CXXC4: variants seen among roughly 807,000 people sequenced by gnomAD.
The protein encoded by CXXC4 is CXXC-type zinc finger protein 4.
In CXXC4, 5 loss-of-function variants were observed where a neutral mutation model predicts 20.5. That is an observed-to-expected ratio of 0.24 (90% CI 0.13 to 0.51). The LOEUF (loss-of-function observed/expected upper bound fraction) is 0.51, where lower values mean the gene tolerates loss of function less well. Ranked by LOEUF, CXXC4 falls within the 20% of genes least tolerant of loss-of-function variation. The pLI is 0.97. For missense variants in CXXC4, 419 were observed against 496.4 expected, an observed-to-expected ratio of 0.84 and a Z score of 1.48; for synonymous variants, 250 against 216.4, an observed-to-expected ratio of 1.16 and a Z score of -1.36.
Position 104,469,325 on chromosome 4 carries a change from C to T in CXXC4, c.*2997G>A, listed in dbSNP as rs1356817659. The T allele has an allele frequency of 6.6e-6, 1 of 151,976 alleles. No homozygotes were observed. Among genetic ancestry groups the T allele is most frequent in the Non-Finnish European group, 1.5e-5 (1 of 67,982 alleles). 9.4% of individuals were successfully genotyped at this position (151,976 alleles called of 1,614,324 possible). A position where few individuals can be genotyped will look rare whatever the true frequency, so the allele number is the denominator to read the frequency against. On this transcript the variant is annotated 3_prime_UTR_variant, in exon 3 of 3. Coordinates refer to ENST00000394767, the MANE Select transcript of CXXC4 (RefSeq NM_025212.4). ...GCCTCAAGTATTTACCATGATCTCC[C>T]CAAATGCTGGCAGATTATGGCATCT...
At chr4:104,484,629 C>T (rs556837552) in intron 2 of CXXC4, among the ~76,000 whole-genome samples, 43 of 152,076 alleles carry the variant, frequency 2.8e-4, no homozygotes, top group African/African-American at 8.9e-4. Context: ...TGGATTCTTA[C>T]GCTCTTAAAA....
At chr4:104,486,909 T>C (rs760215867) in intron 2 of CXXC4, among the ~76,000 whole-genome samples, 27 of 152,306 alleles carry the variant, frequency 1.8e-4, no homozygotes, top group Non-Finnish European at 2.5e-4. Context: ...TTGCCATTTA[T>C]GGTTGGGGCT....
At position 104,478,555 on chromosome 4, in the gene CXXC4, C is replaced by T. The variant is rs79132597; in HGVS notation, c.1060-6189G>A. Reference sequence around the variant, plus strand: ...AAGCAAGTCTCTTGATAATGCTATGCGTATATAATTATATTTCAGTTAAAT... The same window carrying T: ...AAGCAAGTCTCTTGATAATGCTATGTGTATATAATTATATTTCAGTTAAAT... On this transcript the variant is annotated intron_variant, in intron 2 of 2. Transcript: ENST00000394767. 0.013 allele frequency among the ~76,000 whole-genome samples: 1,949 copies of T among 152,050 alleles called. 61 individuals are homozygous for T. The East Asian group carries it at 0.13, about 10-fold the overall frequency.
intron 2 of CXXC4, among the ~76,000 whole-genome samples, chr4:104,479,869 C>A (rs1360408354): frequency 6.8e-6 from 1 of 147,932 alleles, no homozygotes; most frequent in South Asian, 2.3e-4. Flanking sequence ...TGCCATCATA[C>A]GGAATGCTCA....
intron 1 of CXXC4, among the ~76,000 whole-genome samples, chr4:104,494,148 G>T (rs1224034947): frequency 6.6e-6 from 1 of 152,140 alleles, no homozygotes; most frequent in Non-Finnish European, 1.5e-5. Context: ...CATGAAAAAG[G>T]TATCTAAGCC....
intron 2 of CXXC4, among the ~76,000 whole-genome samples, chr4:104,477,075 T>A (rs1736428604): frequency 1.3e-5 from 2 of 152,192 alleles, no homozygotes; most frequent in South Asian, 4.1e-4. Flanking sequence ...TTCAAGTCTA[T>A]CATTTCACAC....
intron 2 of CXXC4, among the ~76,000 whole-genome samples, chr4:104,478,603 C>T (rs1402726662): frequency 6.6e-6 from 1 of 152,100 alleles, no homozygotes; most frequent in Non-Finnish European, 1.5e-5. Context: ...CTTCAAACCA[C>T]ACCATTCTAA....
At chr4:104,489,863 T>C (rs1345623197) in intron 2 of CXXC4, among the ~76,000 whole-genome samples, 1 of 152,216 alleles carries the variant, frequency 6.6e-6, no homozygotes, top group Admixed American at 6.5e-5. Flanking sequence ...AAGAAACTAT[T>C]ATTGACCATA....
intron 2 of CXXC4, among the ~76,000 whole-genome samples, chr4:104,488,088 T>G (rs752293660): frequency 2.6e-5 from 4 of 152,206 alleles, no homozygotes; most frequent in African/African-American, 7.2e-5. Context: ...ATGTTATTAT[T>G]ATGATCCAGA....
chr4:104,485,961 C>T (rs1013948047), intron 2 of CXXC4, among the ~76,000 whole-genome samples: 1 of 152,012 alleles, frequency 6.6e-6, no homozygotes, highest in Non-Finnish European at 1.5e-5. Context: ...ACTTTTATTT[C>T]TTTCATCACT....
chr4:104,488,920 G>C (rs1578322046), intron 2 of CXXC4, among the ~76,000 whole-genome samples: 3 of 152,118 alleles, frequency 2.0e-5, no homozygotes, highest in African/African-American at 7.2e-5. Flanking sequence ...AGGCCTAACA[G>C]CAGAACCAAA....
intron 1 of CXXC4, 181 bp downstream of exon 1, chr4:104,494,520 T>C (rs1361429919): frequency 6.6e-6 from 1 of 152,090 alleles, no homozygotes; most frequent in Non-Finnish European, 1.5e-5. Flanking sequence ...CTCTTTTTAT[T>C]TGGGGAGCCT....
At chr4:104,478,601 C>T (rs1414108019) in intron 2 of CXXC4, among the ~76,000 whole-genome samples, 1 of 152,016 alleles carries the variant, frequency 6.6e-6, no homozygotes, top group Non-Finnish European at 1.5e-5. Flanking sequence ...TACTTCAAAC[C>T]ACACCATTCT....
At chr4:104,487,258 G>A (rs569034574) in intron 2 of CXXC4, among the ~76,000 whole-genome samples, 2 of 152,220 alleles carry the variant, frequency 1.3e-5, no homozygotes, top group East Asian at 3.9e-4. Flanking sequence ...CAAGAGTGGG[G>A]GAAGGGAAAC....
At chr4:104,494,475 A>T (rs909103621) in intron 1 of CXXC4, 1 of 152,172 alleles carries the variant, frequency 6.6e-6, no homozygotes, top group Non-Finnish European at 1.5e-5. Flanking sequence ...GAGAAAAAAA[A>T]GCCAGAGAAA....
At chr4:104,472,508 A>G (rs924327127) in intron 2 of CXXC4, 142 bp from the exon 3 acceptor site, 2 of 513,186 alleles carry the variant, frequency 3.9e-6, no homozygotes, top group African/African-American at 4.0e-5. Context: ...TTTAATAAAA[A>G]GAAGAAATGC....
At chr4:104,488,387 T>C (rs576360050) in intron 2 of CXXC4, among the ~76,000 whole-genome samples, 2 of 152,370 alleles carry the variant, frequency 1.3e-5, no homozygotes, top group South Asian at 4.1e-4. Context: ...CATAACTGTG[T>C]ATTTGCACAT....
Position 104,471,138 on chromosome 4 carries a change from A to G in CXXC4, c.*1184T>C, listed in dbSNP as rs1259348172. The G allele has an allele frequency of 6.6e-6, 1 of 152,076 alleles. No homozygotes were observed. The allele number at this position is 152,076 out of a possible 1,614,324, so 9.4% of individuals were successfully genotyped here. On this transcript the variant is annotated 3_prime_UTR_variant, in exon 3 of 3. Transcript: ENST00000394767. ...CTATGAGAAAAGAAAATAAAAAGAG[A>G]TAAAATGCCTCACTTTTATGAATAT...
intron 1 of CXXC4, among the ~76,000 whole-genome samples, chr4:104,494,196 A>C (rs1736979644): frequency 6.6e-6 from 1 of 152,222 alleles, no homozygotes; most frequent in Non-Finnish European, 1.5e-5. Context: ...AACAAAATAA[A>C]ACACACACAA....
Sources: allele counts gnomAD v4.1 joint callset (sites outside exome capture counted in the v4.1 genomes callset), GRCh38; gene constraint gnomAD v4.1.1; transcripts MANE v1.5; gene names NCBI Gene and HGNC (gene_info 2026-07-23, HGNC 2026-07-21).